KALRN: variants seen among roughly 807,000 people sequenced by gnomAD.
KALRN encodes kalirin RhoGEF kinase.
In KALRN, 70 loss-of-function variants were observed where a neutral mutation model predicts 353.7. The ratio of observed to expected loss-of-function variants is 0.20; its 90% confidence interval spans 0.16 to 0.24. The LOEUF (loss-of-function observed/expected upper bound fraction) is 0.24. Ranked by LOEUF, KALRN falls within the 10% of genes least tolerant of loss-of-function variation. The probability of loss-of-function intolerance (pLI) is 1.00; values close to 1 mark genes in which losing one functional copy is unlikely to be tolerated. For missense variants in KALRN, 2,791 were observed against 3,756.7 expected (o/e 0.74, Z 6.72); for synonymous variants, 1,391 against 1,434.8 (o/e 0.97, Z 0.69).
At chr3:124,284,903 A>G (rs1305251841) in intron 5 of KALRN, among the ~76,000 whole-genome samples, 2 of 152,150 alleles carry the variant, frequency 1.3e-5, no homozygotes, top group Admixed American at 6.5e-5. Context: ...GATTCTTTCT[A>G]TCTCACTCCT....
chr3:124,503,871 G>A (rs962161344), intron 33 of KALRN, among the ~76,000 whole-genome samples: 1 of 152,102 alleles, frequency 6.6e-6, no homozygotes, highest in Non-Finnish European at 1.5e-5. Context: ...GGTTCACAGG[G>A]CAAAATATTT....
chr3:124,295,357 GA>G (rs2076768699), intron 5 of KALRN, among the ~76,000 whole-genome samples: 1 of 152,198 alleles, frequency 6.6e-6, no homozygotes, highest in African/African-American at 2.4e-5. Flanking sequence ...CCAAATGTAG[GA>G]GGCAAAATCA....
At chr3:124,674,867 T>A (rs949815572) in intron 49 of KALRN, 1 of 390,696 alleles carries the variant, frequency 2.6e-6, no homozygotes, top group Non-Finnish European at 4.5e-6. Context: ...CTGTTCATTT[T>A]TCCCCCTTTC....
At chr3:124,557,609 C>G (rs1412272278) in intron 33 of KALRN, among the ~76,000 whole-genome samples, 2 of 152,132 alleles carry the variant, frequency 1.3e-5, no homozygotes, top group African/African-American at 4.8e-5. Context: ...TTTTTGCCAG[C>G]CAGCTCTGGC....
intron 3 of KALRN, among the ~76,000 whole-genome samples, chr3:124,254,691 G>A (rs1377236678): frequency 2.0e-5 from 3 of 152,158 alleles, no homozygotes; most frequent in Non-Finnish European, 4.4e-5. Context: ...ATGTGAATAT[G>A]TCTCATTTTT....
At chr3:124,640,212 G>A (rs2081882110) in intron 37 of KALRN, among the ~76,000 whole-genome samples, 1 of 151,834 alleles carries the variant, frequency 6.6e-6, no homozygotes, top group Admixed American at 6.6e-5. Context: ...ATCAAAAGAA[G>A]CAATAGTATT....
At chr3:124,701,705 C>A (rs549808821) in intron 56 of KALRN, among the ~76,000 whole-genome samples, 2 of 152,266 alleles carry the variant, frequency 1.3e-5, no homozygotes, top group South Asian at 4.2e-4. Flanking sequence ...TTTTCACGAG[C>A]TTTTCTAGGT....
intron 10 of KALRN, among the ~76,000 whole-genome samples, chr3:124,366,810 CG>C: frequency 6.7e-6 from 1 of 148,470 alleles, no homozygotes; most frequent in East Asian, 2.1e-4. Flanking sequence ...ACCTCCCGGA[CG>C]GGGTGGCTGG....
intron 1 of KALRN, among the ~76,000 whole-genome samples, chr3:124,181,550 G>C (rs892306154): frequency 2.0e-5 from 3 of 152,156 alleles, no homozygotes; most frequent in Admixed American, 1.3e-4. Context: ...CGAAATGCAT[G>C]GCTCTCCCTT....
chr3:124,639,855 C>T (rs774703973), intron 37 of KALRN, among the ~76,000 whole-genome samples: 11 of 152,294 alleles, frequency 7.2e-5, no homozygotes, highest in South Asian at 2.1e-4. Flanking sequence ...ACCAAGCTCA[C>T]GTCACAGAAA....
At chr3:124,446,734 G>A (rs2093853238) in intron 20 of KALRN, 29 bp from the exon 21 acceptor site, 1 of 1,612,128 alleles carries the variant, frequency 6.2e-7, no homozygotes. Flanking sequence ...TGCCTTTTTG[G>A]GGACTGGATG....
chr3:124,641,720 A>G (rs2082056560), intron 37 of KALRN, among the ~76,000 whole-genome samples: 1 of 152,234 alleles, frequency 6.6e-6, no homozygotes. Context: ...TGCCTTGTGA[A>G]GGACAGGGAA....
chr3:124,089,072 A>T (rs2060969157), intron 1 of KALRN, among the ~76,000 whole-genome samples: 1 of 152,222 alleles, frequency 6.6e-6, no homozygotes, highest in South Asian at 2.1e-4. Context: ...ACTAAAGCAA[A>T]AAAGGGACTA....
intron 1 of KALRN, among the ~76,000 whole-genome samples, chr3:124,186,852 C>A (rs1409986232): frequency 6.6e-6 from 1 of 152,048 alleles, no homozygotes; most frequent in African/African-American, 2.4e-5. Context: ...TGAGTGTATC[C>A]AATTCCTCCT....
intron 34 of KALRN, among the ~76,000 whole-genome samples, chr3:124,600,679 A>G (rs1032409044): frequency 6.6e-6 from 1 of 152,218 alleles, no homozygotes; most frequent in Non-Finnish European, 1.5e-5. Flanking sequence ...GTGACTATAT[A>G]TGTAGGACAT....
intron 6 of KALRN, among the ~76,000 whole-genome samples, chr3:124,311,098 G>A (rs1360153766): frequency 8.6e-5 from 5 of 58,218 alleles, no homozygotes; most frequent in African/African-American, 2.3e-4. Context: ...TTTTTGAGAT[G>A]GAGTCTTGCT....
intron 27 of KALRN, among the ~76,000 whole-genome samples, chr3:124,482,197 G>C (rs2062054819): frequency 6.6e-6 from 1 of 152,166 alleles, no homozygotes; most frequent in Admixed American, 6.5e-5. Flanking sequence ...TTGACTCCAT[G>C]GTTTCTAGCT....
Position 124,211,846 on chromosome 3 carries a change from G to A in KALRN, c.74-16144G>A, listed in dbSNP as rs2076926462. Among the ~76,000 whole-genome samples, 4 of 152,136 alleles carry A rather than the reference G, an allele frequency of 2.6e-5. No individual in the cohort carries two copies. The South Asian group carries it at 6.2e-4, about 24-fold the overall frequency. Reference sequence around the variant, plus strand: ...CCCTTCTGTGGTACCTCTATTGACTGAAAAGCATAGGGCCATCTCTGGGGA... The same window carrying A: ...CCCTTCTGTGGTACCTCTATTGACTAAAAAGCATAGGGCCATCTCTGGGGA... On this transcript the variant is annotated intron_variant, in intron 1 of 59. Coordinates refer to ENST00000682506, the MANE Select transcript of KALRN (RefSeq NM_001388419.1).
chr3:124,489,770 T>C (rs1287391264), intron 29 of KALRN, among the ~76,000 whole-genome samples: 9 of 152,202 alleles, frequency 5.9e-5, no homozygotes, highest in Non-Finnish European at 1.5e-5. Flanking sequence ...TGCACATTCA[T>C]GGACTCACCC....
Sources: allele counts gnomAD v4.1 joint callset (sites outside exome capture counted in the v4.1 genomes callset), GRCh38; gene constraint gnomAD v4.1.1; transcripts MANE v1.5; gene names NCBI Gene and HGNC (gene_info 2026-07-23, HGNC 2026-07-21).